ST6GALNAC3: variants seen among roughly 807,000 people sequenced by gnomAD.
ST6GALNAC3 encodes ST6 N-acetylgalactosaminide alpha-2,6-sialyltransferase 3.
In ST6GALNAC3, 25 loss-of-function variants were observed where a neutral mutation model predicts 32.7. The ratio of observed to expected loss-of-function variants is 0.76; its 90% CI spans 0.56 to 1.07. ST6GALNAC3 has a LOEUF of 1.07. Among genes scored for constraint, ST6GALNAC3 ranks in the 50% least tolerant of loss-of-function variants. The pLI is 0.00. For synonymous variants in ST6GALNAC3, 129 were observed against 133.1 expected, an observed-to-expected ratio of 0.97 and a Z score of 0.21; for missense variants, 355 against 382.4, an observed-to-expected ratio of 0.93 and a Z score of 0.60.
Position 76,577,139 on chromosome 1 carries a change from ATGT to A in ST6GALNAC3, c.624-50309_624-50307del, listed in dbSNP as rs1217764994. 7 of 1,061,744 alleles carry A rather than the reference ATGT, an allele frequency of 6.6e-6. No individual in the cohort carries two copies. In the African/African-American group the frequency reaches 1.2e-4, roughly 18 times the overall value. 65.8% of individuals were successfully genotyped at this position (1,061,744 alleles called of 1,614,324 possible). On this transcript the variant is annotated intron_variant, in intron 3 of 4. Transcript: ENST00000328299. ...GTATGTGGTATGTAAATATTTTTAA[ATGT>A]TGTCTCTCTGTTTTGATCAGTTTTT...
At chr1:76,540,872 C>T (rs1281726278) in intron 3 of ST6GALNAC3, among the ~76,000 whole-genome samples, 1 of 152,156 alleles carries the variant, frequency 6.6e-6, no homozygotes, top group Non-Finnish European at 1.5e-5. Context: ...TAACACTGAC[C>T]TTTGCCTTTA....
Position 76,630,303 on chromosome 1 carries a change from T to C in ST6GALNAC3, c.*1497T>C. 1.0e-6 allele frequency: 1 copy of C among 985,170 alleles called. No individual in the cohort carries two copies. The highest frequency in any genetic ancestry group is 1.2e-6 in the Non-Finnish European group (1 of 829,806). 61.0% of individuals were successfully genotyped at this position (985,170 alleles called of 1,614,324 possible). ...AGGGCCCCTGTGAAAATAAGTAGTT[T>C]TGAGAAGTTTTTCTATATACGTATA... On this transcript the variant is annotated 3_prime_UTR_variant, in exon 5 of 5. Transcript: ENST00000328299.
At chr1:76,180,507 A>G (rs1653110826) in intron 1 of ST6GALNAC3, among the ~76,000 whole-genome samples, 1 of 152,170 alleles carries the variant, frequency 6.6e-6, no homozygotes, top group Non-Finnish European at 1.5e-5. Flanking sequence ...AAGTGAGAAC[A>G]GACATTCCTG....
intron 3 of ST6GALNAC3, among the ~76,000 whole-genome samples, chr1:76,602,497 T>A (rs1365302514): frequency 2.0e-5 from 3 of 152,112 alleles, no homozygotes; most frequent in Non-Finnish European, 4.4e-5. Flanking sequence ...CAAACCGTTT[T>A]GTTTGTAATT....
intron 2 of ST6GALNAC3, among the ~76,000 whole-genome samples, chr1:76,363,922 T>C (rs1222897741): frequency 6.6e-6 from 1 of 152,130 alleles, no homozygotes; most frequent in Non-Finnish European, 1.5e-5. Flanking sequence ...AAACTATTCA[T>C]GATAATCTTC....
At chr1:76,513,046 G>C (rs1661967239) in intron 3 of ST6GALNAC3, among the ~76,000 whole-genome samples, 1 of 151,980 alleles carries the variant, frequency 6.6e-6, no homozygotes, top group Non-Finnish European at 1.5e-5. Context: ...CTTGTCGAAT[G>C]TATAGTTTAC....
chr1:76,200,147 G>T lies in ST6GALNAC3; in HGVS notation c.19-113658G>T, dbSNP rs139144589. Among the ~76,000 whole-genome samples, 1,314 of 152,314 alleles carry T rather than the reference G, an allele frequency of 8.6e-3. 24 individuals are homozygous for T. The highest frequency in any genetic ancestry group is 0.03 in the African/African-American group (1,237 of 41,560). ...ATAATAAAACTTTTTAGCAGTAACTGACTGGACCATGGTTGGGCATCTATT... is the reference window on the plus strand; with the variant it reads ...ATAATAAAACTTTTTAGCAGTAACTTACTGGACCATGGTTGGGCATCTATT... On this transcript the variant is annotated intron_variant, in intron 1 of 4. Transcript: ENST00000328299.
Position 76,611,701 on chromosome 1 carries a change from A to G in ST6GALNAC3, c.624-15751A>G, listed in dbSNP as rs1647944184. Reference sequence around the variant, plus strand: ...CTCTAGTAATGTACAGCAAAAAATAATAATAATCAAAGGAAAATTTTGGTG... The same window carrying G: ...CTCTAGTAATGTACAGCAAAAAATAGTAATAATCAAAGGAAAATTTTGGTG... On this transcript the variant is annotated intron_variant, in intron 3 of 4. Transcript: ENST00000328299. Among the ~76,000 whole-genome samples the G allele has an allele frequency of 2.6e-5, 4 of 152,228 alleles. No homozygotes were observed. The South Asian group carries it at 8.3e-4, about 31-fold the overall frequency.
intron 1 of ST6GALNAC3, among the ~76,000 whole-genome samples, chr1:76,115,934 G>C (rs1648438771): frequency 6.6e-6 from 1 of 152,172 alleles, no homozygotes; most frequent in African/African-American, 2.4e-5. Flanking sequence ...AGCATTTACT[G>C]TTGCAGGGCA....
At chr1:76,452,662 CTG>C (rs1290506200) in intron 3 of ST6GALNAC3, among the ~76,000 whole-genome samples, 20 of 152,266 alleles carry the variant, frequency 1.3e-4, no homozygotes, top group African/African-American at 4.8e-4. Context: ...TTTTGATACA[CTG>C]TTGGATTCAG....
At chr1:76,550,934 A>G (rs1430674133) in intron 3 of ST6GALNAC3, among the ~76,000 whole-genome samples, 1 of 151,912 alleles carries the variant, frequency 6.6e-6, no homozygotes, top group African/African-American at 2.4e-5. Flanking sequence ...TAATTTTTGT[A>G]GTTTTAGTAA....
At chr1:76,636,903 C>G (rs960101539), downstream of ST6GALNAC3, 2 of 152,102 alleles carry the variant, frequency 1.3e-5, no homozygotes, top group Non-Finnish European at 2.9e-5. Context: ...TGTGAAATTT[C>G]TTTTAAGGAC....
At chr1:76,487,053 C>T (rs534690701) in intron 3 of ST6GALNAC3, among the ~76,000 whole-genome samples, 13 of 152,208 alleles carry the variant, frequency 8.5e-5, no homozygotes, top group African/African-American at 3.1e-4. Flanking sequence ...GAATATTGGC[C>T]CCTACTCTCT....
At chr1:76,273,728 A>G (rs1411892514) in intron 1 of ST6GALNAC3, among the ~76,000 whole-genome samples, 3 of 152,234 alleles carry the variant, frequency 2.0e-5, no homozygotes, top group African/African-American at 7.2e-5. Flanking sequence ...GGCAACATGC[A>G]CTGAGAGCCT....
At chr1:76,345,466 G>A (rs1163699982) in intron 2 of ST6GALNAC3, among the ~76,000 whole-genome samples, 1 of 152,086 alleles carries the variant, frequency 6.6e-6, no homozygotes, top group Non-Finnish European at 1.5e-5. Flanking sequence ...TAAACAGCCT[G>A]TTAGATGGTG....
intron 3 of ST6GALNAC3, among the ~76,000 whole-genome samples, chr1:76,430,320 A>C (rs1655665549): frequency 6.6e-6 from 1 of 152,034 alleles, no homozygotes; most frequent in Non-Finnish European, 1.5e-5. Context: ...CAAAACTCTG[A>C]TGGTTCTTCA....
intron 3 of ST6GALNAC3, among the ~76,000 whole-genome samples, chr1:76,497,494 A>G (rs758956420): frequency 1.4e-4 from 21 of 152,220 alleles, no homozygotes; most frequent in Non-Finnish European, 2.1e-4. Context: ...TAAACAGTGG[A>G]TCTGTGACTA....
At chr1:76,238,540 G>A (rs1416202952) in intron 1 of ST6GALNAC3, among the ~76,000 whole-genome samples, 2 of 152,186 alleles carry the variant, frequency 1.3e-5, no homozygotes, top group Non-Finnish European at 2.9e-5. Flanking sequence ...GTGTCCAGAA[G>A]CTCAACAATT....
intron 3 of ST6GALNAC3, among the ~76,000 whole-genome samples, chr1:76,520,672 T>C (rs1662472167): frequency 6.6e-6 from 1 of 152,182 alleles, no homozygotes; most frequent in Admixed American, 6.5e-5. Flanking sequence ...TTTTTTTTAA[T>C]TGGTTGCATT....
Sources: gnomAD v4.1 joint callset for allele counts (sites outside exome capture counted in the v4.1 genomes callset) on GRCh38, gnomAD v4.1.1 for gene constraint, MANE v1.5 for transcripts, NCBI Gene and HGNC (gene_info 2026-07-23, HGNC 2026-07-21) for gene names.